Variants in TSPAN1 observed in about 807,000 individuals in gnomAD.
TSPAN1 encodes tetraspanin 1.
In TSPAN1, 23 loss-of-function variants were observed where a neutral mutation model predicts 26.9. The ratio of observed to expected loss-of-function variants is 0.85; its 90% CI spans 0.62 to 1.21. The LOEUF is 1.21. TSPAN1 is among the 50% of genes most tolerant of loss of function. The probability of loss-of-function intolerance (pLI) is 0.00; values close to 1 mark genes in which losing one functional copy is unlikely to be tolerated. For synonymous variants in TSPAN1, 115 were observed against 114.8 expected (o/e 1.00, Z -0.01); for missense variants, 283 against 298.4 (o/e 0.95, Z 0.38).
chr1:46,185,502 T>C lies in TSPAN1; in HGVS notation c.695T>C (p.Val232Ala), dbSNP rs1657410826. Residue 232 changes from valine to alanine, a missense_variant, in exon 9 of 9, where the codon GTG becomes GCG. Coordinates refer to ENST00000372003, the MANE Select transcript of TSPAN1 (RefSeq NM_005727.4). ...IGGLELAAMI[V>A]SMYLYCNLQ Reference sequence around the variant, plus strand: ...CCTCTCCAGCTGGCTGCCATGATTGTGTCCATGTATCTGTACTGCAATCTA... The same window carrying C: ...CCTCTCCAGCTGGCTGCCATGATTGCGTCCATGTATCTGTACTGCAATCTA... The C allele has an allele frequency of 6.2e-7, 1 of 1,614,248 alleles. No homozygotes were observed. The highest frequency in any genetic ancestry group is 1.3e-5 in the African/African-American group (1 of 75,070).
chr1:46,176,487 C>T, intron 1 of TSPAN1: 1 of 1,535,232 alleles, frequency 6.5e-7, no homozygotes, highest in African/African-American at 1.4e-5. Flanking sequence ...CAGGGAGCTT[C>T]TGCAGTGTGC....
rs751300694 is a variant in TSPAN1, at chr1:46,184,402, G to C, written c.264+5G>C. 6.2e-7 allele frequency: 1 copy of C among 1,614,040 alleles called. No homozygotes were observed. The highest frequency in any genetic ancestry group is 1.1e-5 in the South Asian group (1 of 91,066). ...AGCAAGTGTGCCCTCGTGACGGTGT[G>C]TGAAACCCAGCTCCACAGGCTGATG... On this transcript the variant is annotated splice_donor_5th_base_variant and intron_variant, in intron 4 of 8. Coordinates refer to ENST00000372003, the MANE Select transcript of TSPAN1 (RefSeq NM_005727.4).
the TSPAN1 span, chr1:46,193,961 C>T: frequency 1.9e-6 from 3 of 1,611,640 alleles, no homozygotes; most frequent in African/African-American, 2.7e-5. Context: ...TTGCCTTATT[C>T]CCCCTTCAAA....
intron 1 of TSPAN1, among the ~76,000 whole-genome samples, chr1:46,178,289 G>A (rs1474609636): frequency 1.3e-5 from 2 of 151,778 alleles, no homozygotes; most frequent in Non-Finnish European, 2.9e-5. Context: ...ACTGGGAGGC[G>A]GAGGTTGCAG....
downstream of TSPAN1, chr1:46,190,859 T>C: frequency 1.5e-6 from 2 of 1,359,222 alleles, no homozygotes; most frequent in African/African-American, 2.9e-5. Context: ...CAGCCAGACA[T>C]CTATAAGACA....
intron 1 of TSPAN1, among the ~76,000 whole-genome samples, chr1:46,179,749 C>T (rs1657266574): frequency 6.6e-6 from 1 of 151,484 alleles, no homozygotes. Context: ...AAGGGGTGTA[C>T]ACAGAGCGCT....
chr1:46,195,013 T>C, the TSPAN1 span: 1 of 1,555,770 alleles, frequency 6.4e-7, no homozygotes, highest in Non-Finnish European at 8.9e-7. Context: ...CCAGGAGACC[T>C]GGCCTCACAG....
chr1:46,184,675 C>T lies in TSPAN1; in HGVS notation c.339+7C>T. On this transcript the variant is annotated splice_region_variant and intron_variant, in intron 5 of 8. Coordinates refer to ENST00000372003, the MANE Select transcript of TSPAN1 (RefSeq NM_005727.4). Reference sequence around the variant, plus strand: ...CTTGGTGTACACCACAATGGTGAGACACTGGGATGGAGGAAGGGAAGAAGA... The same window carrying T: ...CTTGGTGTACACCACAATGGTGAGATACTGGGATGGAGGAAGGGAAGAAGA... 6.2e-7 allele frequency: 1 copy of T among 1,614,132 alleles called. No individual in the cohort carries two copies. Among genetic ancestry groups the T allele is most frequent in the Non-Finnish European group, 8.5e-7 (1 of 1,180,014 alleles).
chr1:46,185,301 G>A lies in TSPAN1; in HGVS notation c.671G>A (p.Gly224Asp). The change falls in exon 8 of 9, where the codon GGC (glycine) becomes GAC (aspartate). Residue 224 changes from glycine (G) to aspartate (D), a missense_variant. Physicochemically the swap from Gly to Asp is moderately conservative, Grantham distance 94. Coordinates refer to ENST00000372003, the MANE Select transcript of TSPAN1 (RefSeq NM_005727.4). ...GGTGGTGTGGCAGCTGGAATTGGGG[G>A]CCTCGAGGTAAGCAGATGAGGAGGC... is the stretch of plus-strand genomic sequence containing the variant. ...TVGGVAAGIG[G>D]LELAAMIVSM... 6.2e-7 allele frequency: 1 copy of A among 1,614,078 alleles called. No homozygotes were observed. The highest frequency in any genetic ancestry group is 8.5e-7 in the Non-Finnish European group (1 of 1,180,018).
At chr1:46,187,340 G>A (rs1657456318), downstream of TSPAN1, among the ~76,000 whole-genome samples, 1 of 152,182 alleles carries the variant, frequency 6.6e-6, no homozygotes, top group African/African-American at 2.4e-5. Context: ...GTTGAGCCAG[G>A]AGTGAGAGGC....
chr1:46,176,714 A>G (rs1175941036), intron 1 of TSPAN1, among the ~76,000 whole-genome samples: 1 of 152,246 alleles, frequency 6.6e-6, no homozygotes, highest in Non-Finnish European at 1.5e-5. Context: ...GGCGGAACTC[A>G]CTTCCTCACT....
intron 1 of TSPAN1, chr1:46,176,348 ATCT>A (rs1332533237): frequency 1.3e-6 from 2 of 1,535,716 alleles, no homozygotes; most frequent in South Asian, 1.2e-5. Context: ...CCCTGTTGAT[ATCT>A]TCTGCGGCTA....
At chr1:46,193,930 G>A in the TSPAN1 span, 3 of 1,613,932 alleles carry the variant, frequency 1.9e-6, no homozygotes, top group African/African-American at 1.3e-5. Context: ...TGGGAGCTGT[G>A]GGAGAAATAG....
At position 46,184,519 on chromosome 1, in the gene TSPAN1, C is replaced by CGGG. The variant is rs35321971; in HGVS notation, c.265-68_265-66dup. 409 of 1,561,472 alleles carry CGGG rather than the reference C, an allele frequency of 2.6e-4. 1 individual carries two copies. The African/African-American group carries it at 5.1e-3, about 20-fold the overall frequency. Reference sequence around the variant, plus strand: ...GGCTCAGGCTTCTGTCTCACTTTTCCGGGGGGGGGATTAGGGCAAGGAGGG... The same window carrying CGGG: ...GGCTCAGGCTTCTGTCTCACTTTTCCGGGGGGGGGGGGATTAGGGCAAGGAGGG... On this transcript the variant is annotated intron_variant, in intron 4 of 8. Transcript: ENST00000372003.
downstream of TSPAN1, chr1:46,190,569 A>AT (rs771044506): frequency 7.1e-6 from 11 of 1,546,968 alleles, no homozygotes; most frequent in South Asian, 1.2e-4. Context: ...CTCAGGTCCC[A>AT]TGGGTAGCAC....
the TSPAN1 span, chr1:46,193,527 T>G: frequency 1.2e-6 from 2 of 1,614,086 alleles, no homozygotes; most frequent in East Asian, 4.5e-5. Flanking sequence ...TGCTCCATGT[T>G]GTACTCCACC....
At chr1:46,194,703 G>A in the TSPAN1 span, 1 of 1,614,226 alleles carries the variant, frequency 6.2e-7, no homozygotes, top group Non-Finnish European at 8.5e-7. Context: ...CAGTTTGGGG[G>A]CTTTTTCCCA....
the TSPAN1 span, chr1:46,194,544 T>C: frequency 6.2e-7 from 1 of 1,614,044 alleles, no homozygotes; most frequent in Non-Finnish European, 8.5e-7. Context: ...CATGCTCCAC[T>C]AACTCCACCT....
At chr1:46,190,836 C>A (rs1230920382), downstream of TSPAN1, 1 of 1,514,254 alleles carries the variant, frequency 6.6e-7, no homozygotes, top group South Asian at 1.1e-5. Context: ...CTGGCCCACA[C>A]CCACTTGCTG....
Sources: allele counts gnomAD v4.1 joint callset (sites outside exome capture counted in the v4.1 genomes callset), GRCh38; gene constraint gnomAD v4.1.1; transcripts MANE v1.5; gene names NCBI Gene and HGNC (gene_info 2026-07-23, HGNC 2026-07-21).